SLIT3: variants seen among roughly 807,000 people sequenced by gnomAD.
SLIT3 encodes slit homolog 3 protein.
SLIT3 carries 68 observed loss-of-function variants against 184.0 expected under a neutral mutation model. The observed-to-expected ratio is 0.37, with a 90% CI of 0.30 to 0.45. The LOEUF (loss-of-function observed/expected upper bound fraction) is 0.45, where lower values mean the gene tolerates loss of function less well. Ranked by LOEUF, SLIT3 falls within the 20% of genes least tolerant of loss-of-function variation. The pLI, the probability that SLIT3 is intolerant of heterozygous loss-of-function variation, is 1.00. For synonymous variants in SLIT3, 831 were observed against 828.6 expected (o/e 1.00, Z -0.05); for missense variants, 1,707 against 2,026.0 (o/e 0.84, Z 3.02).
intron 4 of SLIT3, among the ~76,000 whole-genome samples, chr5:168,927,224 G>C (rs970432153): frequency 1.3e-5 from 2 of 152,110 alleles, no homozygotes; most frequent in African/African-American, 4.8e-5. Context: ...CTAAAACATG[G>C]GTAGAACCTT....
chr5:169,210,453 A>G (rs1764225675), intron 3 of SLIT3, among the ~76,000 whole-genome samples: 2 of 152,258 alleles, frequency 1.3e-5, no homozygotes, highest in Admixed American at 1.3e-4. Context: ...TAATTTGAGT[A>G]AAGGTGTTGC....
At chr5:168,845,800 T>G (rs1184749921) in intron 5 of SLIT3, among the ~76,000 whole-genome samples, 2 of 152,206 alleles carry the variant, frequency 1.3e-5, no homozygotes, top group African/African-American at 4.8e-5. Flanking sequence ...CAGATTGTTG[T>G]ACTCGGTCTG....
chr5:168,827,550 A>G (rs1757745462), intron 6 of SLIT3, among the ~76,000 whole-genome samples: 1 of 152,164 alleles, frequency 6.6e-6, no homozygotes, highest in Non-Finnish European at 1.5e-5. Context: ...TCCTCTTACA[A>G]GGCCCCTCGT....
At chr5:169,280,003 A>G (rs573101703) in intron 1 of SLIT3, among the ~76,000 whole-genome samples, 2 of 152,354 alleles carry the variant, frequency 1.3e-5, no homozygotes, top group East Asian at 3.9e-4. Context: ...TGCTACCTTC[A>G]TTTCACAGTG....
At chr5:169,203,253 G>A (rs1044621690) in intron 3 of SLIT3, among the ~76,000 whole-genome samples, 1 of 152,024 alleles carries the variant, frequency 6.6e-6, no homozygotes, top group African/African-American at 2.4e-5. Context: ...AGCCCCAGAA[G>A]ATTGTACAAG....
At position 168,866,560 on chromosome 5, in the gene SLIT3, C is replaced by T. The variant is rs138118937; in HGVS notation, c.485+16705G>A. On this transcript the variant is annotated intron_variant, in intron 5 of 35. Coordinates refer to ENST00000519560, the MANE Select transcript of SLIT3 (RefSeq NM_003062.4). ...GAAAATCCAACACAGACAACAGACA[C>T]TTGCCTTACATGTGTGGAAGTTCCC... Among the ~76,000 whole-genome samples the T allele has an allele frequency of 4.3e-3, 650 of 152,356 alleles. 7 individuals carry two copies. The highest frequency in any genetic ancestry group is 0.015 in the African/African-American group (604 of 41,576).
At chr5:168,936,380 G>A (rs888877393) in intron 4 of SLIT3, among the ~76,000 whole-genome samples, 35 of 152,094 alleles carry the variant, frequency 2.3e-4, no homozygotes, top group African/African-American at 6.5e-4. Context: ...GATTACATGC[G>A]CACACCACCA....
In SLIT3 at chr5:169,115,358, C is replaced by A. The variant is rs1401167857; in HGVS notation, c.413+78121G>T. Among the ~76,000 whole-genome samples, 3 of 152,154 alleles carry A rather than the reference C, an allele frequency of 2.0e-5. No individual in the cohort carries two copies. The East Asian group carries it at 5.8e-4, about 29-fold the overall frequency. On this transcript the variant is annotated intron_variant, in intron 4 of 35. Transcript: ENST00000519560. Reference sequence around the variant, plus strand: ...TGTGACACAGGCCATAATTCCTGACCATTTACTCACAGCAATTAGCAGAGT... The same window carrying A: ...TGTGACACAGGCCATAATTCCTGACAATTTACTCACAGCAATTAGCAGAGT...
At chr5:168,720,492 T>TTGG (rs1204055146) in intron 23 of SLIT3, 2 of 152,142 alleles carry the variant, frequency 1.3e-5, no homozygotes, top group African/African-American at 4.8e-5. Context: ...TTCCTTAAAA[T>TTGG]TGGCAGGTCC....
At chr5:169,223,456 G>A (rs1764685109) in intron 3 of SLIT3, among the ~76,000 whole-genome samples, 1 of 152,162 alleles carries the variant, frequency 6.6e-6, no homozygotes, top group Non-Finnish European at 1.5e-5. Flanking sequence ...AGCAGCGTAG[G>A]TGTCCTGCCA....
intron 4 of SLIT3, among the ~76,000 whole-genome samples, chr5:169,097,736 C>A (rs1048205202): frequency 1.3e-5 from 2 of 152,186 alleles, no homozygotes; most frequent in Non-Finnish European, 2.9e-5. Flanking sequence ...CAGGTTGGCA[C>A]TGGTGCCTTG....
At chr5:168,718,131 C>G (rs949626592) in intron 23 of SLIT3, 1 of 148,256 alleles carries the variant, frequency 6.7e-6, no homozygotes, top group African/African-American at 2.6e-5. Flanking sequence ...TCTGGCTCAG[C>G]AGAAGAATTT....
intron 4 of SLIT3, among the ~76,000 whole-genome samples, chr5:168,959,129 C>T (rs190777759): frequency 6.6e-6 from 1 of 152,374 alleles, no homozygotes; most frequent in East Asian, 1.9e-4. Context: ...GCCTTATACA[C>T]AGTAATGGAA....
intron 3 of SLIT3, among the ~76,000 whole-genome samples, chr5:169,229,360 A>G (rs2113548231): frequency 6.6e-6 from 1 of 152,358 alleles, no homozygotes; most frequent in Non-Finnish European, 1.5e-5. Context: ...CACTAAGGAT[A>G]GTAATATAGA....
intron 4 of SLIT3, among the ~76,000 whole-genome samples, chr5:169,025,508 C>G (rs1479974732): frequency 2.6e-5 from 4 of 152,174 alleles, no homozygotes; most frequent in African/African-American, 9.7e-5. Flanking sequence ...CAATCTTGTT[C>G]TTTCATGAAC....
At chr5:169,093,269 G>C (rs771210672) in intron 4 of SLIT3, among the ~76,000 whole-genome samples, 12 of 152,072 alleles carry the variant, frequency 7.9e-5, no homozygotes, top group Non-Finnish European at 1.3e-4. Flanking sequence ...GGCTTCTCCA[G>C]GATTGTACCC....
chr5:169,296,821 A>C (rs1246260297), intron 1 of SLIT3, among the ~76,000 whole-genome samples: 1 of 152,246 alleles, frequency 6.6e-6, no homozygotes, highest in Non-Finnish European at 1.5e-5. Context: ...AGCAGTCTCC[A>C]GCATGTTCCA....
chr5:168,700,771 G>T, intron 26 of SLIT3, 92 bp from the exon 27 acceptor site: 1 of 918,682 alleles, frequency 1.1e-6, no homozygotes, highest in Non-Finnish European at 1.8e-6. Flanking sequence ...CATTCTCTGT[G>T]ATGAGGCTGG....
At chr5:168,875,666 G>GGAGAAA (rs1156862424) in intron 5 of SLIT3, among the ~76,000 whole-genome samples, 9 of 149,576 alleles carry the variant, frequency 6.0e-5, no homozygotes, top group Non-Finnish European at 1.0e-4. Context: ...AGAAAGAGAA[G>GGAGAAA]GAGAAAGAGA....
Sources: allele counts gnomAD v4.1 joint callset (sites outside exome capture counted in the v4.1 genomes callset), GRCh38; gene constraint gnomAD v4.1.1; transcripts MANE v1.5; gene names NCBI Gene and HGNC (gene_info 2026-07-23, HGNC 2026-07-21).